The following THAP1 variants were observed in gnomAD, a reference collection of about 807,000 sequenced individuals.
The protein encoded by THAP1 is THAP domain containing 1.
A neutral mutation model predicts 18.2 loss-of-function variants in THAP1; 6 were observed. The observed-to-expected ratio is 0.33, with a 90% CI of 0.18 to 0.65. The LOEUF is 0.65. THAP1 is among the 30% of genes least tolerant of loss of function. The pLI is 0.74. For synonymous variants in THAP1, 85 were observed against 90.5 expected (o/e 0.94, Z 0.34); for missense variants, 176 against 253.0 (o/e 0.70, Z 2.06).
chr8:42,842,861 G>A, intron 1 of THAP1, 163 bp downstream of exon 1: 1 of 383,412 alleles, frequency 2.6e-6, no homozygotes, highest in Non-Finnish European at 3.9e-6. Flanking sequence ...GCGCGATCGG[G>A]CGGCGGTTCC....
intron 1 of THAP1, among the ~76,000 whole-genome samples, chr8:42,840,965 C>CAAAA (rs1029278824): frequency 5.2e-3 from 223 of 42,484 alleles, no homozygotes; most frequent in Non-Finnish European, 7.4e-3. Flanking sequence ...GACTCCATCT[C>CAAAA]AAAAAAAAAA....
intron 1 of THAP1, among the ~76,000 whole-genome samples, chr8:42,841,031 G>A (rs1802707823): frequency 6.7e-6 from 1 of 150,212 alleles, no homozygotes; most frequent in Admixed American, 6.6e-5. Flanking sequence ...GTATAAACTA[G>A]GGTAGCATTT....
intron 2 of THAP1, among the ~76,000 whole-genome samples, chr8:42,838,922 A>G (rs1208204771): frequency 6.6e-6 from 1 of 152,216 alleles, no homozygotes; most frequent in Non-Finnish European, 1.5e-5. Context: ...TGTCACTGAT[A>G]AAGAAAACCC....
At chr8:42,842,529 C>T (rs575621426) in intron 1 of THAP1, 3 of 152,334 alleles carry the variant, frequency 2.0e-5, no homozygotes, top group African/African-American at 7.2e-5. Flanking sequence ...AAGCTTAGTT[C>T]CTAGAGATTG....
At chr8:42,840,569 G>C (rs963653952) in intron 1 of THAP1, among the ~76,000 whole-genome samples, 2 of 152,194 alleles carry the variant, frequency 1.3e-5, no homozygotes, top group African/African-American at 4.8e-5. Context: ...GCTAGAGCCT[G>C]ACTCTGCTAG....
chr8:42,842,010 T>C (rs1456169609), intron 1 of THAP1, among the ~76,000 whole-genome samples: 1 of 152,190 alleles, frequency 6.6e-6, no homozygotes, highest in African/African-American at 2.4e-5. Flanking sequence ...GAAAAGATAT[T>C]TAACATTTTG....
chr8:42,838,324 G>A lies in THAP1; in HGVS notation c.280C>T (p.Leu94=), dbSNP rs201431250. 1.1e-5 allele frequency: 18 copies of A among 1,613,872 alleles called. No individual in the cohort carries two copies. The African/African-American group carries it at 2.1e-4, about 19-fold the overall frequency. ...GGGGGAAGCTGTTCCTGTGGCTCCA[G>A]AAGATCTTCTTTCTAAAACAAAAAT... is the stretch of plus-strand genomic sequence containing the variant. ...TEPHDKKEDL[L]EPQEQLPPPP... The change falls in exon 3 of 3, where the codon CTG becomes TTG. Residue 94 remains leucine (L), a synonymous_variant. Transcript: ENST00000254250.
rs1045979058 is a variant in THAP1 at position 42,837,821 on chromosome 8, TATAG to T, written c.*137_*140del. 1.6e-4 allele frequency: 142 copies of T among 861,502 alleles called. No homozygotes were observed. Among genetic ancestry groups the T allele is most frequent in the Admixed American group, 3.5e-4 (10 of 28,620 alleles). 53.4% of individuals were successfully genotyped at this position (861,502 alleles called of 1,614,324 possible). On this transcript the variant is annotated 3_prime_UTR_variant, in exon 3 of 3. Transcript: ENST00000254250. ...AAAAAATTTATAATTTTACAGTATA[TATAG>T]AATTTTTTTTAAAAAAATATTCTGA... is the stretch of plus-strand genomic sequence containing the variant.
intron 1 of THAP1, among the ~76,000 whole-genome samples, chr8:42,840,206 T>A (rs887126079): frequency 6.6e-6 from 1 of 151,934 alleles, no homozygotes. Flanking sequence ...AAGAAAAAAA[T>A]AACCTGTATT....
chr8:42,839,090 A>G (rs1424108042), intron 2 of THAP1, 96 bp downstream of exon 2: 73 of 1,352,060 alleles, frequency 5.4e-5, no homozygotes, highest in Non-Finnish European at 7.1e-5. Context: ...AGGCACATTT[A>G]TTCTCTTAAC....
At position 42,838,286 on chromosome 8, in the gene THAP1, C is replaced by T. The variant is rs189728728; in HGVS notation, c.318G>A (p.Pro106=). The T allele has an allele frequency of 3.9e-5, 63 of 1,613,948 alleles. No homozygotes were observed. In the Middle Eastern group the frequency reaches 1.3e-3, roughly 34 times the overall value. Residue 106 remains proline, a synonymous_variant, in exon 3 of 3, where the codon CCG becomes CCA. Coordinates refer to ENST00000254250, the MANE Select transcript of THAP1 (RefSeq NM_018105.3). The part of the protein sequence containing the change: ...PQEQLPPPPL[P]PPVSQVDAAI... ...CAGCATCAACCTGGGAAACAGGAGG[C>T]GGTAAAGGAGGTGGGGGAAGCTGTT...
chr8:42,840,439 C>T (rs1387464571), intron 1 of THAP1, among the ~76,000 whole-genome samples: 1 of 152,132 alleles, frequency 6.6e-6, no homozygotes, highest in African/African-American at 2.4e-5. Flanking sequence ...TGAGAGTTTA[C>T]ATTTATTGTG....
intron 1 of THAP1, among the ~76,000 whole-genome samples, chr8:42,841,260 A>G (rs1363774282): frequency 6.8e-6 from 1 of 147,620 alleles, no homozygotes; most frequent in East Asian, 2.0e-4. Flanking sequence ...GATTCAATCC[A>G]TATCTGCTTA....
intron 1 of THAP1, among the ~76,000 whole-genome samples, chr8:42,840,965 C>CAAAAAAAAAA (rs1029278824): frequency 4.3e-5 from 2 of 47,056 alleles, no homozygotes; most frequent in Non-Finnish European, 8.8e-5. Context: ...GACTCCATCT[C>CAAAAAAAAAA]AAAAAAAAAA....
At position 42,837,804 on chromosome 8, in the gene THAP1, T is replaced by C. The variant is rs1014220263; in HGVS notation, c.*158A>G. On this transcript the variant is annotated 3_prime_UTR_variant, in exon 3 of 3. Transcript: ENST00000254250. ...ACCTGAAATTACAAACAAAAAAATT[T>C]ATAATTTTACAGTATATATAGAATT... The C allele has an allele frequency of 4.3e-5, 29 of 677,582 alleles. No homozygotes were observed. Among genetic ancestry groups the C allele is most frequent in the Non-Finnish European group, 5.6e-5 (27 of 481,556 alleles). The allele number at this position is 677,582 out of a possible 1,614,324, so 42.0% of individuals were successfully genotyped here.
chr8:42,841,879 A>C (rs1441490711), intron 1 of THAP1, among the ~76,000 whole-genome samples: 1 of 152,020 alleles, frequency 6.6e-6, no homozygotes, highest in Non-Finnish European at 1.5e-5. Flanking sequence ...AGACCTCTCT[A>C]TGTTCTACAC....
At chr8:42,840,114 G>A (rs995172309) in intron 1 of THAP1, among the ~76,000 whole-genome samples, 11 of 152,162 alleles carry the variant, frequency 7.2e-5, no homozygotes, top group African/African-American at 2.2e-4. Context: ...AGGACTGCTC[G>A]AGCCTGGGAG....
intron 2 of THAP1, 62 bp downstream of exon 2, chr8:42,839,124 A>C: frequency 6.4e-7 from 1 of 1,570,760 alleles, no homozygotes; most frequent in Non-Finnish European, 8.8e-7. Flanking sequence ...TCCACATTTT[A>C]ATCAATGAAC....
chr8:42,841,532 G>A lies in THAP1; in HGVS notation c.71+1492C>T, dbSNP rs191317424. Among the ~76,000 whole-genome samples the A allele has an allele frequency of 2.3e-3, 353 of 152,122 alleles. 2 individuals carry two copies. The highest frequency in any genetic ancestry group is 8.1e-3 in the African/African-American group (336 of 41,514). ...TCGAACTCCTGACGTCAGGTGATCC[G>A]CCCACCTTGGCCTCCCCAAGTGCTG... On this transcript the variant is annotated intron_variant, in intron 1 of 2. Coordinates refer to ENST00000254250, the MANE Select transcript of THAP1 (RefSeq NM_018105.3).
Sources: allele counts gnomAD v4.1 joint callset (sites outside exome capture counted in the v4.1 genomes callset), GRCh38; gene constraint gnomAD v4.1.1; transcripts MANE v1.5; gene names NCBI Gene and HGNC (gene_info 2026-07-23, HGNC 2026-07-21).